Variants in MAK observed in about 807,000 individuals in gnomAD.
MAK encodes male germ cell associated kinase, also known as serine/threonine-protein kinase MAK.
MAK carries 65 observed loss-of-function variants against 82.6 expected under a neutral mutation model. The observed-to-expected ratio is 0.79, with a 90% CI of 0.64 to 0.97. The LOEUF (loss-of-function observed/expected upper bound fraction) is 0.97. Ranked by LOEUF, MAK falls within the 50% of genes least tolerant of loss-of-function variation. The probability of loss-of-function intolerance (pLI) is 0.00; values close to 1 mark genes in which losing one functional copy is unlikely to be tolerated. For synonymous variants in MAK, 250 were observed against 274.2 expected, an observed-to-expected ratio of 0.91 and a Z score of 0.87; for missense variants, 703 against 780.2, an observed-to-expected ratio of 0.90 and a Z score of 1.18.
At chr6:10,822,416 T>C (rs559500036) in intron 2 of MAK, among the ~76,000 whole-genome samples, 1 of 151,644 alleles carries the variant, frequency 6.6e-6, no homozygotes, top group Non-Finnish European at 1.5e-5. Flanking sequence ...ATCGCGCCAT[T>C]GCACTCCAGC....
chr6:10,834,667 T>C (rs891125783), intron 1 of MAK, among the ~76,000 whole-genome samples: 2 of 152,158 alleles, frequency 1.3e-5, no homozygotes, highest in African/African-American at 2.4e-5. Context: ...TAATGCTACA[T>C]CTGGGTCATT....
intron 6 of MAK, among the ~76,000 whole-genome samples, chr6:10,807,532 G>A (rs2127563057): frequency 6.6e-6 from 1 of 151,288 alleles, no homozygotes; most frequent in Non-Finnish European, 1.5e-5. Flanking sequence ...GTAGAAACGG[G>A]GTTTAGCCAT....
chr6:10,804,113 T>C (rs978494205), intron 6 of MAK, among the ~76,000 whole-genome samples: 10 of 152,126 alleles, frequency 6.6e-5, no homozygotes, highest in African/African-American at 2.4e-4. Context: ...CAAATGTCTA[T>C]GAAATGTCCA....
At chr6:10,832,096 G>A (rs1778855383) in intron 1 of MAK, among the ~76,000 whole-genome samples, 2 of 152,108 alleles carry the variant, frequency 1.3e-5, no homozygotes, top group Admixed American at 1.3e-4. Context: ...GATTACAGGT[G>A]CCCACCCCGA....
rs922614709 is a variant in MAK at position 10,789,621 on chromosome 6, A to C, written c.1316+2054T>G. Among the ~76,000 whole-genome samples, 4 of 152,156 alleles carry C rather than the reference A, an allele frequency of 2.6e-5. No individual in the cohort carries two copies. The East Asian group carries it at 7.7e-4, about 29-fold the overall frequency. ...ATACTAAAATAGAACAATTAAAACA[A>C]TATATTGTAATAAAAGTTATGTGAA... On this transcript the variant is annotated intron_variant, in intron 10 of 14. Coordinates refer to ENST00000354489, the MANE Select transcript of MAK (RefSeq NM_001242957.3).
chr6:10,834,463 G>A (rs956359355), intron 1 of MAK, among the ~76,000 whole-genome samples: 13 of 152,176 alleles, frequency 8.5e-5, no homozygotes, highest in African/African-American at 2.9e-4. Context: ...ACTGGTGCCA[G>A]CTCTTACTAT....
chr6:10,799,274 C>T (rs564086709), intron 8 of MAK, among the ~76,000 whole-genome samples: 5 of 152,236 alleles, frequency 3.3e-5, no homozygotes, highest in South Asian at 4.1e-4. Flanking sequence ...AAATGAAAAA[C>T]GGTATCTCAT....
At chr6:10,821,212 G>A (rs760156520) in intron 2 of MAK, among the ~76,000 whole-genome samples, 2 of 152,120 alleles carry the variant, frequency 1.3e-5, no homozygotes, top group African/African-American at 2.4e-5. Flanking sequence ...GCCTCTCAAA[G>A]TGCTGGGATT....
chr6:10,764,975 A>G (rs1367227788), intron 14 of MAK, among the ~76,000 whole-genome samples: 1 of 152,052 alleles, frequency 6.6e-6, no homozygotes, highest in Non-Finnish European at 1.5e-5. Flanking sequence ...GGGTGACTGT[A>G]ATCCCAGCTA....
At chr6:10,778,535 A>G (rs1413419909) in intron 11 of MAK, among the ~76,000 whole-genome samples, 2 of 152,084 alleles carry the variant, frequency 1.3e-5, no homozygotes, top group Non-Finnish European at 2.9e-5. Context: ...ACTAGGCATA[A>G]ATGTGTTTTA....
chr6:10,818,032 T>C (rs1326794692), intron 3 of MAK, 61 bp from the exon 4 acceptor site: 3 of 982,636 alleles, frequency 3.1e-6, no homozygotes, highest in Non-Finnish European at 3.0e-6. Flanking sequence ...TTTGGCAAAA[T>C]TGCATCAATG....
intron 5 of MAK, among the ~76,000 whole-genome samples, chr6:10,813,387 T>A (rs1777215084): frequency 1.3e-5 from 2 of 150,786 alleles, no homozygotes; most frequent in Non-Finnish European, 3.0e-5. Context: ...TCGTTTGACC[T>A]CAGGTGATCC....
chr6:10,803,982 C>T (rs994716679), intron 6 of MAK, 91 bp from the exon 7 acceptor site: 12 of 1,113,090 alleles, frequency 1.1e-5, no homozygotes, highest in Non-Finnish European at 1.6e-5. Context: ...TCATGCATTT[C>T]CATCAAGGAA....
Position 10,807,336 on chromosome 6 carries a change from CTTTTTTTTT to C in MAK, c.491+1465_491+1473del, listed in dbSNP as rs35237927. On this transcript the variant is annotated intron_variant, in intron 6 of 14. Coordinates refer to ENST00000354489, the MANE Select transcript of MAK (RefSeq NM_001242957.3). ...ATCAACATCTGATACACATATATTC[CTTTTTTTTT>C]TTTTTTTTTTTTTTTGAGAAAGAGT... Among the ~76,000 whole-genome samples the C allele has an allele frequency of 2.7e-3, 198 of 73,776 alleles. 3 individuals carry two copies. Among genetic ancestry groups the C allele is most frequent in the African/African-American group, 0.011 (192 of 17,374 alleles). The allele number at this position is 73,776 out of a possible 152,430, so 48.4% of individuals were successfully genotyped here.
chr6:10,836,130 G>C (rs1183552584), intron 1 of MAK, among the ~76,000 whole-genome samples: 1 of 152,182 alleles, frequency 6.6e-6, no homozygotes, highest in African/African-American at 2.4e-5. Context: ...CTTATATTGA[G>C]GGAAGAATAA....
chr6:10,779,235 G>A (rs1257408527), intron 11 of MAK: 1 of 661,066 alleles, frequency 1.5e-6, no homozygotes, highest in African/African-American at 2.0e-5. Context: ...GGAGCAGGGG[G>A]TGAGACCAGA....
chr6:10,767,576 C>T (rs1386278283), intron 14 of MAK, among the ~76,000 whole-genome samples: 1 of 152,072 alleles, frequency 6.6e-6, no homozygotes, highest in Non-Finnish European at 1.5e-5. Flanking sequence ...GAGGTCGAGG[C>T]AGGCAGATCA....
At position 10,764,618 on chromosome 6, in the gene MAK, C is replaced by G. The variant is rs1172193206; in HGVS notation, c.1793-12G>C. ...GTTCCAGGTATATTCTGAAAGAAAT[C>G]AGATTTGGAAAACAGGGTTTTACTC... On this transcript the variant is annotated splice_polypyrimidine_tract_variant and intron_variant, in intron 14 of 14. Coordinates refer to ENST00000354489, the MANE Select transcript of MAK (RefSeq NM_001242957.3). The G allele has an allele frequency of 6.2e-7, 1 of 1,613,324 alleles. No individual in the cohort carries two copies. The highest frequency in any genetic ancestry group is 8.5e-7 in the Non-Finnish European group (1 of 1,179,522).
chr6:10,807,336 C>CTTTTTTTTTTTTTTTTTTTTTTTTTTT (rs35237927), intron 6 of MAK, among the ~76,000 whole-genome samples: 1 of 73,734 alleles, frequency 1.4e-5, no homozygotes. Flanking sequence ...ACATATATTC[C>CTTTTTTTTTTTTTTTTTTTTTTTTTTT]TTTTTTTTTT....
Sources: gnomAD v4.1 joint callset for allele counts (sites outside exome capture counted in the v4.1 genomes callset) on GRCh38, gnomAD v4.1.1 for gene constraint, MANE v1.5 for transcripts, NCBI Gene and HGNC (gene_info 2026-07-23, HGNC 2026-07-21) for gene names.